The following MSRA variants were observed in gnomAD, a reference collection of about 807,000 sequenced individuals.
MSRA encodes methionine sulfoxide reductase A, also known as mitochondrial peptide methionine sulfoxide reductase.
In MSRA, 54 loss-of-function variants were observed where a neutral mutation model predicts 31.3. That is an observed-to-expected ratio of 1.73 (90% CI 1.39 to 2.17). MSRA has a LOEUF of 2.17. Ranked by LOEUF, MSRA falls within the 30% of genes most tolerant of loss-of-function variation. MSRA has a pLI of 0.00. For synonymous variants in MSRA, 169 were observed against 116.5 expected (o/e 1.45, Z -2.90); for missense variants, 507 against 300.9 (o/e 1.69, Z -5.07).
chr8:10,151,467 C>T (rs143581879), intron 1 of MSRA, among the ~76,000 whole-genome samples: 1,803 of 151,730 alleles, frequency 0.012, 27 homozygotes, highest in African/African-American at 0.038. Context: ...CATGGTGAAA[C>T]CCCGTCTCTA....
At chr8:10,387,090 G>GCTGCTGC (rs953310918) in intron 5 of MSRA, among the ~76,000 whole-genome samples, 12 of 152,246 alleles carry the variant, frequency 7.9e-5, no homozygotes, top group Middle Eastern at 3.4e-3. Context: ...GGCAGCTGCT[G>GCTGCTGC]CTGCTGCCTG....
intron 1 of MSRA, among the ~76,000 whole-genome samples, chr8:10,168,006 A>C (rs1805289749): frequency 6.6e-6 from 1 of 152,114 alleles, no homozygotes; most frequent in African/African-American, 2.4e-5. Context: ...ACTGTTTCTG[A>C]TCTTTATGAG....
At chr8:10,246,580 C>T (rs1451022714) in intron 3 of MSRA, among the ~76,000 whole-genome samples, 4 of 152,092 alleles carry the variant, frequency 2.6e-5, no homozygotes, top group South Asian at 2.1e-4. Context: ...GCTCAGCCCT[C>T]CAAGGGCACC....
chr8:10,143,933 C>T (rs186744866), intron 1 of MSRA, among the ~76,000 whole-genome samples: 99 of 152,250 alleles, frequency 6.5e-4, no homozygotes, highest in African/African-American at 2.3e-3. Flanking sequence ...TATAGGAAGT[C>T]CGTGTCAAGA....
intron 5 of MSRA, among the ~76,000 whole-genome samples, chr8:10,417,922 C>A (rs1808580812): frequency 6.6e-6 from 1 of 152,052 alleles, no homozygotes; most frequent in African/African-American, 2.4e-5. Context: ...GTCCTGCTGC[C>A]GCTAGAGGGC....
intron 5 of MSRA, among the ~76,000 whole-genome samples, chr8:10,393,137 C>A (rs1000427558): frequency 2.6e-5 from 4 of 151,694 alleles, no homozygotes; most frequent in Admixed American, 6.6e-5. Flanking sequence ...CCACTTTGTC[C>A]ACTGCTGCTC....
At chr8:10,292,214 T>C (rs1800273513) in intron 3 of MSRA, among the ~76,000 whole-genome samples, 1 of 152,200 alleles carries the variant, frequency 6.6e-6, no homozygotes. Flanking sequence ...GGACTGGTCA[T>C]TGGCAGGTGA....
intron 4 of MSRA, among the ~76,000 whole-genome samples, chr8:10,314,893 C>T (rs1801627000): frequency 6.6e-6 from 1 of 152,074 alleles, no homozygotes; most frequent in Non-Finnish European, 1.5e-5. Flanking sequence ...TAAAAATAGG[C>T]TGTATTAGTC....
intron 1 of MSRA, among the ~76,000 whole-genome samples, chr8:10,150,653 A>G (rs1803585856): frequency 6.6e-6 from 1 of 152,150 alleles, no homozygotes; most frequent in Admixed American, 6.5e-5. Flanking sequence ...ATTGACAGAT[A>G]TCTGTGGGTT....
intron 2 of MSRA, 60 bp from the exon 3 acceptor site, chr8:10,245,044 G>T: frequency 1.3e-6 from 2 of 1,561,416 alleles, no homozygotes; most frequent in Non-Finnish European, 8.7e-7. Context: ...ATGTGGATGT[G>T]CAATGACCAC....
At chr8:10,057,741 T>C (rs535688373) in intron 1 of MSRA, among the ~76,000 whole-genome samples, 7 of 152,304 alleles carry the variant, frequency 4.6e-5, no homozygotes, top group African/African-American at 1.4e-4. Flanking sequence ...TCTCTCCTGC[T>C]CCTTTGTGTG....
intron 1 of MSRA, among the ~76,000 whole-genome samples, chr8:10,116,777 G>T (rs1175095755): frequency 6.6e-6 from 1 of 152,124 alleles, no homozygotes; most frequent in Non-Finnish European, 1.5e-5. Context: ...AGACCAGCCT[G>T]ACCAACATGA....
intron 1 of MSRA, among the ~76,000 whole-genome samples, chr8:10,061,273 T>C (rs772541219): frequency 1.2e-4 from 19 of 152,170 alleles, no homozygotes; most frequent in Non-Finnish European, 1.6e-4. Context: ...CTTGGATCTT[T>C]TTACTTAGTC....
chr8:10,267,274 T>A (rs1386584203), intron 3 of MSRA, among the ~76,000 whole-genome samples: 2 of 152,194 alleles, frequency 1.3e-5, no homozygotes, highest in Non-Finnish European at 1.5e-5. Flanking sequence ...GGCTCTGCCG[T>A]TCATGACAAC....
intron 1 of MSRA, among the ~76,000 whole-genome samples, chr8:10,165,133 T>C (rs1162381923): frequency 6.6e-6 from 1 of 152,222 alleles, no homozygotes; most frequent in African/African-American, 2.4e-5. Flanking sequence ...CAGGTAATTC[T>C]AATGTGCGGC....
At chr8:10,164,515 A>G (rs1804949994) in intron 1 of MSRA, among the ~76,000 whole-genome samples, 1 of 152,162 alleles carries the variant, frequency 6.6e-6, no homozygotes, top group Admixed American at 6.5e-5. Flanking sequence ...ACTCCTGAAT[A>G]GGCCGAAGAA....
intron 3 of MSRA, among the ~76,000 whole-genome samples, chr8:10,274,013 G>A (rs2129102376): frequency 6.6e-6 from 1 of 152,270 alleles, no homozygotes; most frequent in Middle Eastern, 3.4e-3. Context: ...AAGCCTCTGG[G>A]AACCAGGAAG....
chr8:10,157,842 A>G (rs954659602), intron 1 of MSRA, among the ~76,000 whole-genome samples: 3 of 150,988 alleles, frequency 2.0e-5, no homozygotes, highest in African/African-American at 7.3e-5. Context: ...CCATCCCTCT[A>G]TCTTTTAATA....
At chr8:10,153,371 T>C (rs1803876348) in intron 1 of MSRA, among the ~76,000 whole-genome samples, 2 of 152,152 alleles carry the variant, frequency 1.3e-5, no homozygotes, top group African/African-American at 4.8e-5. Flanking sequence ...GCTCATCCTG[T>C]CTCCCTCTCA....
Sources: gnomAD v4.1 joint callset for allele counts (sites outside exome capture counted in the v4.1 genomes callset) on GRCh38, gnomAD v4.1.1 for gene constraint, MANE v1.5 for transcripts, NCBI Gene and HGNC (gene_info 2026-07-23, HGNC 2026-07-21) for gene names.